ADORA2B: variants seen among roughly 807,000 people sequenced by gnomAD.
The protein encoded by ADORA2B is adenosine A2b receptor.
ADORA2B carries 18 observed loss-of-function variants against 20.8 expected under a neutral mutation model. The ratio of observed to expected loss-of-function variants is 0.87; its 90% CI spans 0.60 to 1.29. The LOEUF is 1.29. Ranked by LOEUF, ADORA2B falls within the 50% of genes most tolerant of loss-of-function variation. The pLI, the probability that ADORA2B is intolerant of heterozygous loss-of-function variation, is 0.00. For missense variants in ADORA2B, 441 were observed against 422.7 expected (o/e 1.04, Z -0.38); for synonymous variants, 179 against 178.3 (o/e 1.00, Z -0.03).
chr17:15,862,003 G>A, the ADORA2B span, among the ~76,000 whole-genome samples: 11 of 152,084 alleles, frequency 7.2e-5, no homozygotes, highest in East Asian at 3.9e-4. Context: ...GTTTTAGTCC[G>A]TGCCTTAGCA....
chr17:15,859,034 G>A, the ADORA2B span, among the ~76,000 whole-genome samples: 1 of 152,054 alleles, frequency 6.6e-6, no homozygotes, highest in African/African-American at 2.4e-5. Context: ...TTGTTGCCCA[G>A]GCTGGTCTTG....
chr17:15,941,664 G>A (rs1042577863), upstream of ADORA2B, among the ~76,000 whole-genome samples: 5 of 150,564 alleles, frequency 3.3e-5, no homozygotes, highest in African/African-American at 4.9e-5. Context: ...GGAGGTTGAG[G>A]CTGCAGTAAG....
the ADORA2B span, among the ~76,000 whole-genome samples, chr17:15,880,569 C>T: frequency 7.1e-6 from 1 of 141,520 alleles, no homozygotes; most frequent in Non-Finnish European, 1.5e-5. Context: ...CTCCAAAGAC[C>T]CAGAGCAGAT....
Position 15,971,858 on chromosome 17 carries a change from C to T in ADORA2B, c.336-2821C>T, listed in dbSNP as rs532014964. Among the ~76,000 whole-genome samples, 3 of 152,214 alleles carry T rather than the reference C, an allele frequency of 2.0e-5. 1 individual carries two copies. Among genetic ancestry groups the T allele is most frequent in the Middle Eastern group, 6.8e-3 (2 of 294 alleles). ...GTGTTGGCCAGGCTGGTCTCAAATG[C>T]CTGACCTCAAGTGATCCGCCTGCCT... On this transcript the variant is annotated intron_variant, in intron 1 of 1. Coordinates refer to ENST00000304222, the MANE Select transcript of ADORA2B (RefSeq NM_000676.4).
the ADORA2B span, among the ~76,000 whole-genome samples, chr17:15,922,903 A>G: frequency 2.6e-5 from 4 of 152,120 alleles, no homozygotes; most frequent in Non-Finnish European, 5.9e-5. Flanking sequence ...GTCTGAATTT[A>G]GTTTTCATTT....
chr17:15,882,073 C>G, the ADORA2B span, among the ~76,000 whole-genome samples: 2 of 152,180 alleles, frequency 1.3e-5, no homozygotes, highest in South Asian at 4.1e-4. Context: ...TTAGGTCCTT[C>G]GTGTCCTTAA....
chr17:15,867,809 C>T, the ADORA2B span, among the ~76,000 whole-genome samples: 4 of 148,452 alleles, frequency 2.7e-5, no homozygotes, highest in South Asian at 2.1e-4. Flanking sequence ...CGCCTCTGCC[C>T]GGCCGCCCCT....
chr17:15,959,817 A>G (rs1483073006), intron 1 of ADORA2B, among the ~76,000 whole-genome samples: 1 of 152,170 alleles, frequency 6.6e-6, no homozygotes, highest in African/African-American at 2.4e-5. Context: ...AGAAATTGTA[A>G]TAGGTGCCAC....
chr17:15,914,546 A>C, the ADORA2B span, among the ~76,000 whole-genome samples: 1 of 152,206 alleles, frequency 6.6e-6, no homozygotes, highest in Non-Finnish European at 1.5e-5. Context: ...CTGCCATTGC[A>C]GCCAATAATC....
chr17:15,964,888 C>T lies in ADORA2B; in HGVS notation c.336-9791C>T, dbSNP rs191769822. ...CATCCTGGCTAACACGGTGAAACCC[C>T]GTCTCTACTAAAAATACAAAAAATT... On this transcript the variant is annotated intron_variant, in intron 1 of 1. Coordinates refer to ENST00000304222, the MANE Select transcript of ADORA2B (RefSeq NM_000676.4). Among the ~76,000 whole-genome samples, 861 of 151,968 alleles carry T rather than the reference C, an allele frequency of 5.7e-3. 10 individuals carry two copies. The highest frequency in any genetic ancestry group is 0.016 in the African/African-American group (651 of 41,434).
At chr17:15,862,211 C>CTTTTTTTTTTTTTT in the ADORA2B span, among the ~76,000 whole-genome samples, 21 of 96,286 alleles carry the variant, frequency 2.2e-4, no homozygotes, top group African/African-American at 6.6e-4. Flanking sequence ...CTTTTCTTTT[C>CTTTTTTTTTTTTTT]TTTTTTTTTT....
chr17:15,852,216 C>G, the ADORA2B span, among the ~76,000 whole-genome samples: 6 of 152,048 alleles, frequency 3.9e-5, no homozygotes, highest in Non-Finnish European at 7.4e-5. Context: ...ATCTTGTATT[C>G]AGTGCTTTCC....
intron 1 of ADORA2B, among the ~76,000 whole-genome samples, chr17:15,952,367 G>A (rs1200624695): frequency 6.6e-6 from 1 of 152,188 alleles, no homozygotes; most frequent in South Asian, 2.1e-4. Context: ...TGATCTTTGC[G>A]ACCGCCCTAT....
chr17:15,916,720 C>T, the ADORA2B span, among the ~76,000 whole-genome samples: 1 of 152,184 alleles, frequency 6.6e-6, no homozygotes, highest in Non-Finnish European at 1.5e-5. Context: ...TCATTTCTGC[C>T]TTTTAGTTTT....
chr17:15,867,939 G>A, the ADORA2B span, among the ~76,000 whole-genome samples: 1 of 151,862 alleles, frequency 6.6e-6, no homozygotes, highest in African/African-American at 2.4e-5. Context: ...AGGGGGGAAA[G>A]GTGGGGAAAA....
the ADORA2B span, among the ~76,000 whole-genome samples, chr17:15,867,637 C>T: frequency 6.7e-6 from 1 of 149,468 alleles, no homozygotes; most frequent in Non-Finnish European, 1.5e-5. Flanking sequence ...GTCAGCCCGC[C>T]GCCCAGCCAG....
At chr17:15,940,331 C>G (rs754669365), upstream of ADORA2B, among the ~76,000 whole-genome samples, 19 of 152,194 alleles carry the variant, frequency 1.2e-4, no homozygotes, top group Non-Finnish European at 2.5e-4. Flanking sequence ...ACTGAGGAGC[C>G]TCCTGGGATT....
chr17:15,858,545 C>T, the ADORA2B span, among the ~76,000 whole-genome samples: 45 of 152,226 alleles, frequency 3.0e-4, no homozygotes, highest in East Asian at 8.7e-3. Flanking sequence ...CTTTTTGTTT[C>T]TTTTGAGGAT....
upstream of ADORA2B, among the ~76,000 whole-genome samples, chr17:15,942,985 G>GA (rs1448029044): frequency 1.1e-4 from 16 of 152,320 alleles, no homozygotes; most frequent in African/African-American, 3.8e-4. Context: ...CCACTCCAAG[G>GA]AAGTGCTATT....
Sources: gnomAD v4.1 joint callset for allele counts (sites outside exome capture counted in the v4.1 genomes callset) on GRCh38, gnomAD v4.1.1 for gene constraint, MANE v1.5 for transcripts, NCBI Gene and HGNC (gene_info 2026-07-23, HGNC 2026-07-21) for gene names.